Variants in FHDC1 observed in about 807,000 individuals in gnomAD.
The protein encoded by FHDC1 is FH2 domain-containing protein 1.
A neutral mutation model predicts 52.6 loss-of-function variants in FHDC1; 25 were observed. The observed-to-expected ratio is 0.48, with a 90% CI of 0.35 to 0.66. The LOEUF (loss-of-function observed/expected upper bound fraction) is 0.66, where lower values mean the gene tolerates loss of function less well. Among genes scored for constraint, FHDC1 ranks in the 30% least tolerant of loss-of-function variants. The probability of loss-of-function intolerance (pLI) is 0.01; values close to 1 mark genes in which losing one functional copy is unlikely to be tolerated. For synonymous variants in FHDC1, 616 were observed against 581.5 expected (o/e 1.06, Z -0.85); for missense variants, 1,459 against 1,452.8 (o/e 1.00, Z -0.07).
Position 152,975,474 on chromosome 4 carries a change from G to T in FHDC1, c.2183G>T (p.Gly728Val), listed in dbSNP as rs1182635387. 1.2e-6 allele frequency: 2 copies of T among 1,613,250 alleles called. No individual in the cohort carries two copies. Among genetic ancestry groups the T allele is most frequent in the African/African-American group, 2.7e-5 (2 of 74,952 alleles). Residue 728 changes from glycine to valine, a missense_variant, in exon 12 of 12, where the codon GGC becomes GTC. Physicochemically the swap from Gly to Val is moderately radical, Grantham distance 109. This residue lies in a region of FHDC1 where 939 missense variants were observed against 854.5 expected (regional missense o/e 1.10). Coordinates refer to ENST00000511601, the MANE Select transcript of FHDC1 (RefSeq NM_001371116.1). The part of the protein sequence containing the change: ...SASSSSLTPM[G>V]RDALGSLSPA... Reference sequence around the variant, plus strand: ...AGCAGCAGCAGCCTGACACCCATGGGCAGAGATGCCCTGGGGAGTCTCAGC... The same window carrying T: ...AGCAGCAGCAGCCTGACACCCATGGTCAGAGATGCCCTGGGGAGTCTCAGC...
chr4:152,957,161 G>GT (rs1347200423), intron 4 of FHDC1, among the ~76,000 whole-genome samples: 1 of 152,150 alleles, frequency 6.6e-6, no homozygotes, highest in East Asian at 1.9e-4. Flanking sequence ...TAATAAATTC[G>GT]TAAGTGGACA....
chr4:152,965,461 A>T (rs1440629508), intron 9 of FHDC1, among the ~76,000 whole-genome samples: 2 of 152,250 alleles, frequency 1.3e-5, no homozygotes, highest in East Asian at 3.8e-4. Context: ...AAAGGCACAT[A>T]CAGAGAAAGT....
the FHDC1 span, among the ~76,000 whole-genome samples, chr4:152,915,678 T>C: frequency 1.3e-5 from 2 of 152,152 alleles, no homozygotes; most frequent in African/African-American, 4.8e-5. Context: ...AATGGCAGAA[T>C]TAGAGAAATC....
At chr4:152,935,639 T>A (rs992360947), upstream of FHDC1, among the ~76,000 whole-genome samples, 3 of 151,726 alleles carry the variant, frequency 2.0e-5, no homozygotes, top group African/African-American at 4.8e-5. Context: ...AAAAACAAAA[T>A]AAAAAACGGT....
intron 2 of FHDC1, among the ~76,000 whole-genome samples, chr4:152,947,261 T>C (rs1739764106): frequency 6.6e-6 from 1 of 150,544 alleles, no homozygotes; most frequent in African/African-American, 2.4e-5. Flanking sequence ...TGGGAAGATA[T>C]GAAATGTTAC....
the FHDC1 span, among the ~76,000 whole-genome samples, chr4:152,920,276 T>C: frequency 6.6e-6 from 1 of 152,148 alleles, no homozygotes; most frequent in African/African-American, 2.4e-5. Flanking sequence ...GTATCTATTT[T>C]TGCAATCTGA....
the FHDC1 span, chr4:152,918,348 A>G: frequency 6.6e-6 from 1 of 152,180 alleles, no homozygotes; most frequent in Non-Finnish European, 1.5e-5. Flanking sequence ...AACTTCAACA[A>G]TTTCATTTCT....
At chr4:152,929,124 T>G in the FHDC1 span, among the ~76,000 whole-genome samples, 2 of 152,098 alleles carry the variant, frequency 1.3e-5, no homozygotes, top group African/African-American at 4.8e-5. This position sits in a 1 kb window ranked among gnomAD's most constrained non-coding sequence, Gnocchi z 4.1. Flanking sequence ...TCAATATATA[T>G]GTAAGATGTA....
chr4:152,960,558 C>A lies in FHDC1; in HGVS notation c.664-7C>A, dbSNP rs1740248899. The A allele has an allele frequency of 6.2e-7, 1 of 1,612,370 alleles. No individual in the cohort carries two copies. The highest frequency in any genetic ancestry group is 1.3e-5 in the African/African-American group (1 of 74,832). On this transcript the variant is annotated splice_region_variant and splice_polypyrimidine_tract_variant and intron_variant, in intron 4 of 11. Transcript: ENST00000511601. ...TTATATACCCCCCCTTTCCATTTGTCTTTTAGGTAAAGAAGTTAAAAGCGT... is the reference window on the plus strand; with the variant it reads ...TTATATACCCCCCCTTTCCATTTGTATTTTAGGTAAAGAAGTTAAAAGCGT...
Position 152,962,904 on chromosome 4 carries a change from A to T in FHDC1, c.921+20A>T. On this transcript the variant is annotated intron_variant, in intron 7 of 11. Coordinates refer to ENST00000511601, the MANE Select transcript of FHDC1 (RefSeq NM_001371116.1). ...AATGCAGTAAGTAAAATCCAAAACA[A>T]TTGTAATGTTATGTTTTCAACCTTG... The T allele has an allele frequency of 1.2e-6, 2 of 1,608,366 alleles. No homozygotes were observed. The highest frequency in any genetic ancestry group is 1.7e-6 in the Non-Finnish European group (2 of 1,176,796).
At chr4:152,964,334 C>T (rs1245677550) in intron 8 of FHDC1, among the ~76,000 whole-genome samples, 1 of 152,174 alleles carries the variant, frequency 6.6e-6, no homozygotes, top group Admixed American at 6.5e-5. Context: ...TGTTCCTTGC[C>T]CAGCAAGGGT....
chr4:152,960,128 G>T (rs960275340), intron 4 of FHDC1, among the ~76,000 whole-genome samples: 2 of 152,016 alleles, frequency 1.3e-5, no homozygotes, highest in Admixed American at 6.6e-5. Context: ...CTCAAAATAA[G>T]ATTTTTTTCC....
At position 152,976,711 on chromosome 4, in the gene FHDC1, C is replaced by A; in HGVS notation, c.3420C>A (p.Pro1140=). 6.7e-7 allele frequency: 1 copy of A among 1,481,952 alleles called. No individual in the cohort carries two copies. The highest frequency in any genetic ancestry group is 1.4e-5 in the South Asian group (1 of 72,922). The allele number at this position is 1,481,952 out of a possible 1,614,324, so 91.8% of individuals were successfully genotyped here. A position where few individuals can be genotyped will look rare whatever the true frequency, so the allele number is the denominator to read the frequency against. The change falls in exon 12 of 12, where the codon CCC becomes CCA. Residue 1140 remains proline (P), a synonymous_variant. Coordinates refer to ENST00000511601, the MANE Select transcript of FHDC1 (RefSeq NM_001371116.1). The part of the protein sequence containing the change: ...SRTTLGRILN[P]LRK ...CCACGCTGGGGAGAATCCTCAATCC[C>A]TTACGGAAGTGATGGGTGCCTGTCC...
intron 1 of FHDC1, among the ~76,000 whole-genome samples, chr4:152,938,109 A>T (rs4696366): frequency 0.68 from 103,317 of 151,652 alleles, 35,606 homozygotes; most frequent in African/African-American, 0.77. Flanking sequence ...GACCCCCTTC[A>T]ACTGACCCAC....
chr4:152,976,088 A>G lies in FHDC1; in HGVS notation c.2797A>G (p.Ser933Gly), dbSNP rs1347678277. 6.2e-7 allele frequency: 1 copy of G among 1,608,348 alleles called. No homozygotes were observed. Among genetic ancestry groups the G allele is most frequent in the East Asian group, 2.2e-5 (1 of 44,792 alleles). Residue 933 changes from serine to glycine, a missense_variant, in exon 12 of 12, where the codon AGC becomes GGC. Ser to Gly is a moderately conservative substitution (Grantham distance 56). Transcript: ENST00000511601. ...CCGGGGGCCCTCCCAGAATCCCCCCAGCAGCACAGATACTGTGTGGTCACG... is the reference window on the plus strand; with the variant it reads ...CCGGGGGCCCTCCCAGAATCCCCCCGGCAGCACAGATACTGTGTGGTCACG... ...SSRGPSQNPP[S>G]STDTVWSRQN... is the part of the protein sequence containing the mutation.
At chr4:152,963,171 AC>A in intron 8 of FHDC1, 41 bp downstream of exon 8, 1 of 1,555,758 alleles carries the variant, frequency 6.4e-7, no homozygotes, top group East Asian at 2.2e-5. Context: ...GCATATGAAT[AC>A]CCCTTGGAGG....
At chr4:152,911,553 C>G in the FHDC1 span, 2 of 152,538 alleles carry the variant, frequency 1.3e-5, no homozygotes, top group South Asian at 4.1e-4. Context: ...TAGTTTTTGT[C>G]ATAGACATAA....
intron 10 of FHDC1, among the ~76,000 whole-genome samples, chr4:152,970,556 C>G (rs1427226085): frequency 6.6e-6 from 1 of 152,212 alleles, no homozygotes; most frequent in Admixed American, 6.5e-5. Flanking sequence ...CATGTAGATT[C>G]TTGTCAAGAG....
intron 4 of FHDC1, among the ~76,000 whole-genome samples, chr4:152,955,091 C>T (rs903940377): frequency 1.3e-4 from 19 of 151,712 alleles, no homozygotes; most frequent in African/African-American, 3.6e-4. Flanking sequence ...TTTTATAATC[C>T]ATATACTTTT....
Sources: gnomAD v4.1 joint callset for allele counts (sites outside exome capture counted in the v4.1 genomes callset) on GRCh38, gnomAD v4.1.1 for gene constraint, gnomAD v4.1.1 regional missense constraint, Gnocchi (gnomAD v3.1) non-coding constraint, MANE v1.5 for transcripts, NCBI Gene and HGNC (gene_info 2026-07-23, HGNC 2026-07-21) for gene names.